Variants in CNOT6L observed in about 807,000 individuals in gnomAD.
The protein encoded by CNOT6L is CCR4-NOT transcription complex subunit 6 like.
In CNOT6L, 7 loss-of-function variants were observed where a neutral mutation model predicts 64.0. The ratio of observed to expected loss-of-function variants is 0.11; its 90% confidence interval spans 0.06 to 0.21. The LOEUF (loss-of-function observed/expected upper bound fraction) is 0.21, where lower values mean the gene tolerates loss of function less well. CNOT6L is among the 10% of genes least tolerant of loss of function. The probability of loss-of-function intolerance (pLI) is 1.00; values close to 1 mark genes in which losing one functional copy is unlikely to be tolerated. For synonymous variants in CNOT6L, 193 were observed against 243.4 expected (o/e 0.79, Z 1.93); for missense variants, 245 against 669.0 (o/e 0.37, Z 6.99).
intron 9 of CNOT6L, among the ~76,000 whole-genome samples, chr4:77,730,617 T>C (rs978713100): frequency 1.3e-5 from 2 of 152,028 alleles, no homozygotes; most frequent in Non-Finnish European, 2.9e-5. Context: ...AAGTCCAAAA[T>C]TTCATATCAA....
In CNOT6L at chr4:77,715,827, G is replaced by A. The variant is rs931046495; in HGVS notation, c.*4604C>T. On this transcript the variant is annotated 3_prime_UTR_variant, in exon 12 of 12. Coordinates refer to ENST00000504123, the MANE Select transcript of CNOT6L (RefSeq NM_144571.3). ...CATATCATTCTATAAAATGAAAGAT[G>A]CTCTTGGCATCCTGTTCTTAAACAG... 6.6e-6 allele frequency: 1 copy of A among 152,428 alleles called. No homozygotes were observed. Among genetic ancestry groups the A allele is most frequent in the Non-Finnish European group, 1.5e-5 (1 of 67,970 alleles). The allele number at this position is 152,428 out of a possible 1,614,324, so 9.4% of individuals were successfully genotyped here.
chr4:77,730,373 C>T (rs1364426090), intron 9 of CNOT6L, among the ~76,000 whole-genome samples: 1 of 151,996 alleles, frequency 6.6e-6, no homozygotes, highest in Non-Finnish European at 1.5e-5. Context: ...TTTTCCCCTT[C>T]AAAGAGCCAT....
chr4:77,743,417 G>C (rs1723812646), intron 7 of CNOT6L, among the ~76,000 whole-genome samples: 1 of 151,808 alleles, frequency 6.6e-6, no homozygotes, highest in Admixed American at 6.6e-5. Context: ...CCAATTCTCT[G>C]TTAGTCTCAG....
At chr4:77,776,026 G>C (rs1728103311) in intron 2 of CNOT6L, among the ~76,000 whole-genome samples, 1 of 151,902 alleles carries the variant, frequency 6.6e-6, no homozygotes, top group South Asian at 2.1e-4. Context: ...CAAAGAAACT[G>C]GTTTTACTTA....
chr4:77,791,750 T>C (rs1730170993), intron 1 of CNOT6L, among the ~76,000 whole-genome samples: 1 of 152,210 alleles, frequency 6.6e-6, no homozygotes, highest in Non-Finnish European at 1.5e-5. Flanking sequence ...TAGGTATTTT[T>C]GACTGTAAAT....
chr4:77,811,749 A>C (rs934903471), intron 1 of CNOT6L, among the ~76,000 whole-genome samples: 2 of 152,054 alleles, frequency 1.3e-5, no homozygotes, highest in Non-Finnish European at 2.9e-5. Flanking sequence ...CACACAAACA[A>C]ACACTCAACA....
chr4:77,775,619 T>C (rs1435622775), intron 2 of CNOT6L, among the ~76,000 whole-genome samples: 1 of 152,212 alleles, frequency 6.6e-6, no homozygotes, highest in African/African-American at 2.4e-5. Context: ...CACCAGTTTT[T>C]ATACCTTTTT....
At chr4:77,750,962 G>T (rs1724788163) in intron 5 of CNOT6L, among the ~76,000 whole-genome samples, 1 of 152,144 alleles carries the variant, frequency 6.6e-6, no homozygotes, top group Admixed American at 6.5e-5. Context: ...AGCATCAGAA[G>T]TCTCCTAACA....
chr4:77,764,479 T>C lies in CNOT6L; in HGVS notation c.401-7528A>G, dbSNP rs186880124. ...TCTTGGCTCTCTGCCTATGGAGTAG[T>C]CATTTTATTTTATTCCTTTACTTTC... On this transcript the variant is annotated intron_variant, in intron 4 of 11. Coordinates refer to ENST00000504123, the MANE Select transcript of CNOT6L (RefSeq NM_144571.3). 3.0e-4 allele frequency among the ~76,000 whole-genome samples: 46 copies of C among 152,228 alleles called. No individual in the cohort carries two copies. The East Asian group carries it at 7.9e-3, about 26-fold the overall frequency.
At chr4:77,755,230 T>G (rs1327684596) in intron 5 of CNOT6L, among the ~76,000 whole-genome samples, 1 of 6,018 alleles carries the variant, frequency 1.7e-4, no homozygotes, top group African/African-American at 3.9e-4. Context: ...AGAGTTTTTT[T>G]TTTTTTTTTT....
chr4:77,727,891 A>G (rs902986719), intron 10 of CNOT6L, among the ~76,000 whole-genome samples: 6 of 152,218 alleles, frequency 3.9e-5, no homozygotes, highest in Non-Finnish European at 7.3e-5. Context: ...AGATGTTTTC[A>G]AGTTCAGTGA....
At chr4:77,819,535 G>A (rs530465477), upstream of CNOT6L, 382 of 661,454 alleles carry the variant, frequency 5.8e-4, 2 homozygotes, top group Middle Eastern at 4.4e-3. Flanking sequence ...GCTCGCGGGC[G>A]GGCGCGCAGG....
chr4:77,722,586 G>A (rs1179554893), intron 11 of CNOT6L, among the ~76,000 whole-genome samples: 1 of 152,164 alleles, frequency 6.6e-6, no homozygotes, highest in Admixed American at 6.6e-5. Flanking sequence ...GTGCCGTCAT[G>A]CACATCAACT....
upstream of CNOT6L, chr4:77,819,525 G>C: frequency 1.2e-6 from 1 of 823,782 alleles, no homozygotes; most frequent in Non-Finnish European, 1.7e-6. Flanking sequence ...CGTAACCGGG[G>C]CTCGCGGGCG....
At position 77,818,950 on chromosome 4, in the gene CNOT6L, C is replaced by T. The variant is rs1207691477; in HGVS notation, c.5+354G>A. On this transcript the variant is annotated intron_variant, in intron 1 of 11. Transcript: ENST00000504123. Reference sequence around the variant, plus strand: ...CCGCACTCACTCAGCCCTCCCCGGCCGGCCCCCTAGGAGCAGCTCTCACCT... The same window carrying T: ...CCGCACTCACTCAGCCCTCCCCGGCTGGCCCCCTAGGAGCAGCTCTCACCT... 5 of 648,902 alleles carry T rather than the reference C, an allele frequency of 7.7e-6. No homozygotes were observed. In the East Asian group the frequency reaches 9.1e-5, roughly 12 times the overall value. 40.2% of individuals were successfully genotyped at this position (648,902 alleles called of 1,614,324 possible). A position where few individuals can be genotyped will look rare whatever the true frequency, so the allele number is the denominator to read the frequency against.
intron 4 of CNOT6L, among the ~76,000 whole-genome samples, chr4:77,762,419 G>C (rs554517595): frequency 6.6e-6 from 1 of 152,026 alleles, no homozygotes; most frequent in Non-Finnish European, 1.5e-5. Flanking sequence ...ACACATATTT[G>C]GGCAACTGAA....
intron 1 of CNOT6L, among the ~76,000 whole-genome samples, chr4:77,789,294 C>G (rs918022638): frequency 5.9e-5 from 9 of 151,776 alleles, no homozygotes; most frequent in Non-Finnish European, 1.3e-4. Context: ...GTACACAGCT[C>G]CCCCCACGCT....
chr4:77,794,725 A>C (rs1333534284), intron 1 of CNOT6L, among the ~76,000 whole-genome samples: 1 of 152,236 alleles, frequency 6.6e-6, no homozygotes, highest in Non-Finnish European at 1.5e-5. Context: ...CAAGGATGTT[A>C]GCTCTCACTT....
chr4:77,815,665 C>T (rs1482905508), intron 1 of CNOT6L, among the ~76,000 whole-genome samples: 1 of 152,178 alleles, frequency 6.6e-6, no homozygotes. Context: ...AAATAAGACT[C>T]TGTGACAAAT....
Sources: gnomAD v4.1 joint callset for allele counts (sites outside exome capture counted in the v4.1 genomes callset) on GRCh38, gnomAD v4.1.1 for gene constraint, MANE v1.5 for transcripts, NCBI Gene and HGNC (gene_info 2026-07-23, HGNC 2026-07-21) for gene names.